SLC26A9: variants seen among roughly 807,000 people sequenced by gnomAD.
The protein encoded by SLC26A9 is solute carrier family 26 member 9, also known as anion transporter/exchanger protein 9.
Under a neutral mutation model 87.1 loss-of-function variants are expected in SLC26A9, and 46 were observed. That is an observed-to-expected ratio of 0.53 (90% CI 0.42 to 0.67). The LOEUF (loss-of-function observed/expected upper bound fraction) is 0.67, where lower values mean the gene tolerates loss of function less well. Among genes scored for constraint, SLC26A9 ranks in the 30% least tolerant of loss-of-function variants. The pLI is 0.00. For synonymous variants in SLC26A9, 437 were observed against 409.1 expected, an observed-to-expected ratio of 1.07 and a Z score of -0.82; for missense variants, 927 against 1,018.3, an observed-to-expected ratio of 0.91 and a Z score of 1.22.
At chr1:205,943,063 G>C (rs574438122) in intron 1 of SLC26A9, among the ~76,000 whole-genome samples, 2 of 152,274 alleles carry the variant, frequency 1.3e-5, no homozygotes, top group East Asian at 3.9e-4. Flanking sequence ...CCTTTCCCTC[G>C]GAGGCCTTTG....
Position 205,917,336 on chromosome 1 carries a change from G to A in SLC26A9, c.2275C>T (p.Leu759Phe). The change falls in exon 20 of 21, where the codon CTC becomes TTC. Residue 759 changes from leucine to phenylalanine, a missense_variant. By Grantham distance (22) the Leu-to-Phe change is conservative (BLOSUM62 0). Transcript: ENST00000367135. ...NFQGAPGDAE[L>F]SLYDSEEDIR... The stretch of plus-strand genomic sequence containing the variant: ...TCCTCCTCTGAGTCGTACAAGGAGA[G>A]CTCAGCATCCCCTGGAGCCTGGAAG... The A allele has an allele frequency of 6.2e-7, 1 of 1,614,030 alleles. No individual in the cohort carries two copies. The highest frequency in any genetic ancestry group is 1.7e-5 in the Admixed American group (1 of 60,010).
At chr1:205,929,776 A>G (rs936878721) in intron 6 of SLC26A9, 116 bp downstream of exon 6, 1 of 1,315,924 alleles carries the variant, frequency 7.6e-7, no homozygotes, top group Non-Finnish European at 1.0e-6. Context: ...TCCTCTCTGA[A>G]CAACAGCTAA....
intron 17 of SLC26A9, 139 bp from the exon 18 acceptor site, chr1:205,920,369 T>C (rs1264787462): frequency 1.8e-5 from 16 of 909,300 alleles, no homozygotes; most frequent in Non-Finnish European, 2.6e-5. Flanking sequence ...AAGACAAAAA[T>C]AGCAGCAAAG....
rs573958311 is a variant in SLC26A9, at chr1:205,915,180, C to G, written c.*177G>C. 5.0e-6 allele frequency: 8 copies of G among 1,611,680 alleles called. No individual in the cohort carries two copies. In the East Asian group the frequency reaches 1.3e-4, roughly 27 times the overall value. On this transcript the variant is annotated 3_prime_UTR_variant, in exon 21 of 21. Transcript: ENST00000367135. ...AGCACCCCCCTGCTGCTGAGAGGCT[C>G]TCTCTGGAGATGCGGGGAGGGAAGG... is the stretch of plus-strand genomic sequence containing the variant.
intron 18 of SLC26A9, 22 bp downstream of exon 18, chr1:205,920,154 C>T (rs747723472): frequency 6.2e-7 from 1 of 1,613,560 alleles, no homozygotes; most frequent in Admixed American, 1.7e-5. Context: ...CTTTCAGTCC[C>T]TAAATGTCCT....
intron 9 of SLC26A9, 63 bp from the exon 10 acceptor site, chr1:205,927,668 G>A: frequency 6.7e-7 from 1 of 1,500,590 alleles, no homozygotes; most frequent in Non-Finnish European, 9.1e-7. Flanking sequence ...ACCAAGTGCA[G>A]TCAGGCATGC....
chr1:205,931,464 G>GTTTTTTTTTTTT (rs1558126780), intron 5 of SLC26A9, among the ~76,000 whole-genome samples: 1 of 36,718 alleles, frequency 2.7e-5, no homozygotes, highest in Non-Finnish European at 4.7e-5. Context: ...GCCCTAACTT[G>GTTTTTTTTTTTT]GTTTTTTTTT....
rs1659149381 is a variant in SLC26A9 at position 205,927,954 on chromosome 1, G to A, written c.1049C>T (p.Ala350Val). 6.2e-7 allele frequency: 1 copy of A among 1,614,116 alleles called. No homozygotes were observed. The highest frequency in any genetic ancestry group is 8.5e-7 in the Non-Finnish European group (1 of 1,180,038). Residue 350 changes from alanine to valine, a missense_variant, in exon 9 of 21, where the codon GCT becomes GTT. Ala to Val is a moderately conservative substitution (Grantham distance 64). Coordinates refer to ENST00000367135, the MANE Select transcript of SLC26A9 (RefSeq NM_052934.4). ...LAIVSYVINL[A>V]MGRTLANKHG... The stretch of plus-strand genomic sequence containing the variant: ...CTTGTTGGCCAGGGTCCGGCCCATA[G>A]CCAGGTTGATGACGTAGCTCACGAT...
intron 6 of SLC26A9, among the ~76,000 whole-genome samples, 179 bp from the exon 7 acceptor site, chr1:205,929,535 A>G (rs1025054684): frequency 1.3e-5 from 2 of 152,212 alleles, no homozygotes; most frequent in Non-Finnish European, 2.9e-5. Context: ...CAAAAGGCAC[A>G]TGGGGAACTT....
intron 7 of SLC26A9, 104 bp from the exon 8 acceptor site, chr1:205,929,013 C>T (rs1255929121): frequency 6.7e-7 from 1 of 1,498,184 alleles, no homozygotes; most frequent in African/African-American, 1.4e-5. Context: ...ATCCCACTCC[C>T]CTGCCTCCTT....
At position 205,939,824 on chromosome 1, in the gene SLC26A9, TAAAC is replaced by T. The variant is rs200922998; in HGVS notation, c.-19+3537_-19+3540del. ...GGAACATAACAATCTGATCCCCAGT[TAAAC>T]AAACAAACAGCCATGATAAGTGATG... On this transcript the variant is annotated intron_variant, in intron 1 of 20. Coordinates refer to ENST00000367135, the MANE Select transcript of SLC26A9 (RefSeq NM_052934.4). 3.5e-3 allele frequency among the ~76,000 whole-genome samples: 528 copies of T among 152,084 alleles called. 1 individual carries two copies. Among genetic ancestry groups the T allele is most frequent in the African/African-American group, 0.011 (449 of 41,466 alleles).
At chr1:205,917,125 GA>G (rs375852901) in intron 20 of SLC26A9, among the ~76,000 whole-genome samples, 157 bp downstream of exon 20, 2 of 146,634 alleles carry the variant, frequency 1.4e-5, no homozygotes, top group South Asian at 2.1e-4. Flanking sequence ...AAAAGGAAAA[GA>G]AAAAAAACAA....
At chr1:205,927,060 G>T in intron 11 of SLC26A9, 151 bp downstream of exon 11, 2 of 777,824 alleles carry the variant, frequency 2.6e-6, no homozygotes, top group Non-Finnish European at 2.1e-6. Flanking sequence ...AAATGGGGAG[G>T]ATAAAACCTG....
intron 20 of SLC26A9, 110 bp downstream of exon 20, chr1:205,917,173 G>T: frequency 2.1e-6 from 2 of 972,320 alleles, no homozygotes; most frequent in Non-Finnish European, 3.2e-6. Context: ...GAATGTGACT[G>T]CTCTGGGCTG....
chr1:205,942,176 G>A (rs1036735061), intron 1 of SLC26A9, among the ~76,000 whole-genome samples: 2 of 152,238 alleles, frequency 1.3e-5, no homozygotes, highest in African/African-American at 2.4e-5. Flanking sequence ...AAGATAAAGA[G>A]GAGTCCGTCT....
intron 1 of SLC26A9, among the ~76,000 whole-genome samples, chr1:205,940,467 G>T (rs564600557): frequency 1.3e-5 from 2 of 152,282 alleles, no homozygotes; most frequent in East Asian, 1.9e-4. Context: ...GCACTGAAAG[G>T]CTCGGAACGG....
At chr1:205,932,130 G>C in intron 4 of SLC26A9, 95 bp from the exon 5 acceptor site, 2 of 1,452,422 alleles carry the variant, frequency 1.4e-6, no homozygotes, top group Non-Finnish European at 1.9e-6. Context: ...ACCCCAGGGG[G>C]ATGGATCCCT....
At position 205,915,369 on chromosome 1, in the gene SLC26A9, C is replaced by A; in HGVS notation, c.2364G>T (p.Leu788=). The change falls in exon 21 of 21, where the codon CTG becomes CTT. Residue 788 remains leucine (L), a synonymous_variant. Coordinates refer to ENST00000367135, the MANE Select transcript of SLC26A9 (RefSeq NM_052934.4). ...ACTGGCTGAGCCCTCACAGGGCGGT[C>A]AGGGTCTCTGCGTGAAACATGCTCC... ...MFGSMFHAET[L]TAL 3 of 1,614,104 alleles carry A rather than the reference C, an allele frequency of 1.9e-6. No individual in the cohort carries two copies. The highest frequency in any genetic ancestry group is 2.2e-5 in the South Asian group (2 of 91,044).
chr1:205,936,042 G>A (rs1339898339), intron 1 of SLC26A9, among the ~76,000 whole-genome samples: 1 of 152,184 alleles, frequency 6.6e-6, no homozygotes, highest in African/African-American at 2.4e-5. Flanking sequence ...CACTGATGAT[G>A]CATAGACTCA....
Sources: gnomAD v4.1 joint callset for allele counts (sites outside exome capture counted in the v4.1 genomes callset) on GRCh38, gnomAD v4.1.1 for gene constraint, MANE v1.5 for transcripts, NCBI Gene and HGNC (gene_info 2026-07-23, HGNC 2026-07-21) for gene names.